Variants in TNS2 observed in about 807,000 individuals in gnomAD.
The protein encoded by TNS2 is tensin-2.
Under a neutral mutation model 155.7 loss-of-function variants are expected in TNS2, and 77 were observed. That is an observed-to-expected ratio of 0.49 (90% CI 0.41 to 0.60). TNS2 has a LOEUF of 0.60. TNS2 is among the 20% of genes least tolerant of loss of function. The pLI is 0.00. For synonymous variants in TNS2, 726 were observed against 763.9 expected, an observed-to-expected ratio of 0.95 and a Z score of 0.82; for missense variants, 1,703 against 1,868.8, an observed-to-expected ratio of 0.91 and a Z score of 1.64.
At position 53,063,157 on chromosome 12, in the gene TNS2, G is replaced by A; in HGVS notation, c.3892G>A (p.Ala1298Thr). 1.9e-6 allele frequency: 3 copies of A among 1,609,920 alleles called. No individual in the cohort carries two copies. The highest frequency in any genetic ancestry group is 1.1e-5 in the South Asian group (1 of 90,608). ...SLTGPQAVARASSAALSCSPR... is the reference protein window; with the variant it reads ...SLTGPQAVARTSSAALSCSPR... ...GACGGGCCCCCAAGCTGTGGCCCGG[G>A]CCAGCTCTGCAGCTCTGAGCTGTAG... Residue 1298 changes from alanine (A) to threonine (T), a missense_variant, in exon 26 of 29, where the codon GCC (alanine) becomes ACC (threonine). By Grantham distance (58) the Ala-to-Thr change is moderately conservative. Coordinates refer to ENST00000314250, the MANE Select transcript of TNS2 (RefSeq NM_170754.4). This position sits in a 1 kb window ranked among gnomAD's most constrained non-coding sequence, Gnocchi z 5.6.
Position 53,053,651 on chromosome 12 carries a change from C to T in TNS2, c.262-123C>T, listed in dbSNP as rs1010875554. The stretch of plus-strand genomic sequence containing the variant: ...GGCCTGCTGGGGGTAGGACTCCTCT[C>T]CCCTTATCCAGTACAGCCTTCAAAA... On this transcript the variant is annotated intron_variant, in intron 4 of 28. Coordinates refer to ENST00000314250, the MANE Select transcript of TNS2 (RefSeq NM_170754.4). The T allele has an allele frequency of 2.7e-5, 40 of 1,472,592 alleles. No individual in the cohort carries two copies. The East Asian group carries it at 7.5e-4, about 28-fold the overall frequency. 91.2% of individuals were successfully genotyped at this position (1,472,592 alleles called of 1,614,324 possible).
At chr12:53,048,865 C>G, upstream of TNS2, 2 of 282,442 alleles carry the variant, frequency 7.1e-6, no homozygotes, top group Non-Finnish European at 1.3e-5. Flanking sequence ...GTAGAAGGGA[C>G]TCCGTGGGAG....
In TNS2 at chr12:53,063,162, CTCTGCAGCTCTGA is replaced by C; in HGVS notation, c.3898_3910del (p.Ser1300AlafsTer22). 8.1e-6 allele frequency: 13 copies of C among 1,610,698 alleles called. No homozygotes were observed. The highest frequency in any genetic ancestry group is 1.0e-5 in the Non-Finnish European group (12 of 1,178,836). ...GCCCCCAAGCTGTGGCCCGGGCCAG[CTCTGCAGCTCTGA>C]GCTGTAGCCCCCGCCCGACACCAGC... On this transcript the variant is annotated frameshift_variant, in exon 26 of 29. Coordinates refer to ENST00000314250, the MANE Select transcript of TNS2 (RefSeq NM_170754.4). LOFTEE classifies it high-confidence loss of function. This position sits in a 1 kb window ranked among gnomAD's most constrained non-coding sequence, Gnocchi z 5.6.
At chr12:53,055,916 T>C in intron 10 of TNS2, 71 bp downstream of exon 10, 2 of 1,518,028 alleles carry the variant, frequency 1.3e-6, no homozygotes, top group Non-Finnish European at 1.8e-6. Context: ...TAGGAACCCA[T>C]CTCCCCTGGA....
Position 53,057,015 on chromosome 12 carries a change from C to T in TNS2, c.764C>T (p.Ala255Val), listed in dbSNP as rs776215521. Reference protein sequence around the residue: ...YMHYSKISAGADQALATLTMR... With the variant: ...YMHYSKISAGVDQALATLTMR... ...AACACTGGCCTTGCTATCCCCAGGG[C>T]GGACCAGGCACTGGCCACTCTTACC... The change falls in exon 11 of 29, where the codon GCG (alanine) becomes GTG (valine). Residue 255 changes from alanine to valine, a missense_variant and splice_region_variant. By Grantham distance (64) the Ala-to-Val change is moderately conservative. Transcript: ENST00000314250. 1.1e-5 allele frequency: 18 copies of T among 1,613,082 alleles called. No homozygotes were observed. The East Asian group carries it at 2.0e-4, about 18-fold the overall frequency.
chr12:53,060,476 G>A lies in TNS2; in HGVS notation c.2689G>A (p.Ala897Thr). 2 of 1,613,798 alleles carry A rather than the reference G, an allele frequency of 1.2e-6. No homozygotes were observed. Among genetic ancestry groups the A allele is most frequent in the Non-Finnish European group, 1.7e-6 (2 of 1,179,996 alleles). ...CACACTGCCTCGGTCTCCCCGAGAT[G>A]CCCCATGCAGTGCTTCGTCAGAGTT... The part of the protein sequence containing the change: ...HSTLPRSPRD[A>T]PCSASSELSG... Residue 897 changes from alanine to threonine, a missense_variant, in exon 19 of 29, where the codon GCC becomes ACC. By Grantham distance (58) the Ala-to-Thr change is moderately conservative. Coordinates refer to ENST00000314250, the MANE Select transcript of TNS2 (RefSeq NM_170754.4). This position sits in a 1 kb window ranked among gnomAD's most constrained non-coding sequence, Gnocchi z 6.1.
In TNS2 at chr12:53,059,221, C is replaced by A. The variant is rs761471654; in HGVS notation, c.1580C>A (p.Ser527Tyr). 3 of 1,558,202 alleles carry A rather than the reference C, an allele frequency of 1.9e-6. No individual in the cohort carries two copies. The highest frequency in any genetic ancestry group is 2.6e-6 in the Non-Finnish European group (3 of 1,161,006). ...CTGACCACAGAGCCGGCTGCTGAGT[C>A]CCCTGGCCGGCCGCCCCCTACAGCT... ...STLTTEPAAESPGRPPPTAAE... is the reference protein window; with the variant it reads ...STLTTEPAAEYPGRPPPTAAE... The change falls in exon 18 of 29, where the codon TCC becomes TAC. Residue 527 changes from serine (S) to tyrosine (Y), a missense_variant. Transcript: ENST00000314250. The surrounding 1 kb of genome is among the most constrained non-coding windows in gnomAD (Gnocchi z 4.7).
chr12:53,060,922 C>T lies in TNS2; in HGVS notation c.3016C>T (p.Pro1006Ser), dbSNP rs1592256992. The T allele has an allele frequency of 6.3e-7, 1 of 1,596,156 alleles. No homozygotes were observed. ...TGGCGCCAGTCCTCGGAGCCCTGTGCCCACCACACTTCCTGGCCTCCGCCA... is the reference window on the plus strand; with the variant it reads ...TGGCGCCAGTCCTCGGAGCCCTGTGTCCACCACACTTCCTGGCCTCCGCCA... ...SDGASPRSPV[P>S]TTLPGLRHAP... The change falls in exon 20 of 29, where the codon CCC becomes TCC. Residue 1006 changes from proline (P) to serine (S), a missense_variant. Physicochemically the swap from Pro to Ser is moderately conservative, Grantham distance 74. Coordinates refer to ENST00000314250, the MANE Select transcript of TNS2 (RefSeq NM_170754.4). The surrounding 1 kb of genome is among the most constrained non-coding windows in gnomAD (Gnocchi z 6.1).
At chr12:53,062,980 C>CTTG (rs1354274920) in intron 25 of TNS2, 109 bp from the exon 26 acceptor site, 8 of 1,391,532 alleles carry the variant, frequency 5.7e-6, no homozygotes, top group Non-Finnish European at 7.7e-6. Context: ...AACAAGTCAC[C>CTTG]TATGTGATTG....
rs749178348 is a variant in TNS2, at chr12:53,059,273, C to T, written c.1632C>T (p.Leu544=). ...CTGAACGGCAGGAGCTGGATCGCCT[C>T]CTAGGAGGCTGCGGAGTGGCCAGTG... is the stretch of plus-strand genomic sequence containing the variant. ...TAAERQELDR[L]LGGCGVASGG... is the part of the protein sequence containing the mutation. The change falls in exon 18 of 29, where the codon CTC becomes CTT. Residue 544 remains leucine, a synonymous_variant. Coordinates refer to ENST00000314250, the MANE Select transcript of TNS2 (RefSeq NM_170754.4). This position sits in a 1 kb window ranked among gnomAD's most constrained non-coding sequence, Gnocchi z 4.7. The T allele has an allele frequency of 3.8e-5, 57 of 1,498,110 alleles. No homozygotes were observed. Among genetic ancestry groups the T allele is most frequent in the Non-Finnish European group, 4.4e-5 (50 of 1,128,630 alleles). 92.8% of individuals were successfully genotyped at this position (1,498,110 alleles called of 1,614,324 possible). A position where few individuals can be genotyped will look rare whatever the true frequency, so the allele number is the denominator to read the frequency against.
At position 53,063,576 on chromosome 12, in the gene TNS2, G is replaced by T; in HGVS notation, c.4075G>T (p.Asp1359Tyr). 1 of 1,610,244 alleles carries T rather than the reference G, an allele frequency of 6.2e-7. No individual in the cohort carries two copies. ...DPQDRRWTNP[D>Y]GTTSKIFGFV... is the part of the protein sequence containing the mutation. ...CTCCTTCTGCAGATGGACCAACCCA[G>T]ACGGGACCACCTCCAAGTAAGCCTC... The change falls in exon 28 of 29, where the codon GAC becomes TAC. Residue 1359 changes from aspartate to tyrosine, a missense_variant. Physicochemically the swap from Asp to Tyr is radical, Grantham distance 160 (BLOSUM62 -3). Coordinates refer to ENST00000314250, the MANE Select transcript of TNS2 (RefSeq NM_170754.4). This position sits in a 1 kb window ranked among gnomAD's most constrained non-coding sequence, Gnocchi z 5.6.
At chr12:53,052,513 G>T in intron 3 of TNS2, 21 bp downstream of exon 3, 1 of 1,613,798 alleles carries the variant, frequency 6.2e-7, no homozygotes, top group Non-Finnish European at 8.5e-7. Context: ...GATTCTACCT[G>T]ATAGGGGGAG....
chr12:53,053,329 C>T, intron 3 of TNS2, 82 bp from the exon 4 acceptor site: 4 of 1,544,846 alleles, frequency 2.6e-6, no homozygotes, highest in Non-Finnish European at 3.6e-6. Context: ...CACCTTCCTC[C>T]TGAAGCTGAG....
intron 2 of TNS2, chr12:53,052,179 C>T (rs1943959024): frequency 5.0e-6 from 3 of 604,128 alleles, no homozygotes; most frequent in Non-Finnish European, 8.8e-6. Context: ...TCTCCATCAC[C>T]TTCCCATCCT....
intron 8 of TNS2, 104 bp downstream of exon 8, chr12:53,055,340 C>A (rs1390334738): frequency 1.2e-5 from 16 of 1,337,500 alleles, no homozygotes; most frequent in Non-Finnish European, 1.6e-5. Context: ...CTACTTCACT[C>A]TTAAGCACTT....
intron 2 of TNS2, 140 bp downstream of exon 2, chr12:53,052,103 C>T: frequency 1.4e-6 from 1 of 726,638 alleles, no homozygotes; most frequent in South Asian, 1.9e-5. Flanking sequence ...GAAGCAGCTG[C>T]CTCCCCCTTC....
chr12:53,061,736 C>T, intron 21 of TNS2, 79 bp from the exon 22 acceptor site: 1 of 1,550,208 alleles, frequency 6.5e-7, no homozygotes, highest in Non-Finnish European at 8.7e-7. Flanking sequence ...AGCTTGGCAG[C>T]AGAGGAGGGG....
rs1287636297 is a variant in TNS2, at chr12:53,050,277, G to A, written c.75+17G>A. ...GCAAGCAGGGTAGGAGTGCCCACCA[G>A]CTGGGCAAAAGAGGGGCAGGGGTGG... On this transcript the variant is annotated intron_variant, in intron 1 of 28. Transcript: ENST00000314250. This position sits in a 1 kb window ranked among gnomAD's most constrained non-coding sequence, Gnocchi z 4.7. The A allele has an allele frequency of 3.1e-6, 5 of 1,594,906 alleles. No homozygotes were observed. The highest frequency in any genetic ancestry group is 3.4e-6 in the Non-Finnish European group (4 of 1,170,890).
chr12:53,056,834 C>T (rs1028334803), intron 10 of TNS2, 179 bp from the exon 11 acceptor site: 2 of 558,808 alleles, frequency 3.6e-6, no homozygotes, highest in African/African-American at 3.8e-5. Flanking sequence ...GAACAATTGC[C>T]TGAGGCCCAA....
Sources: gnomAD v4.1 joint callset for allele counts on GRCh38, gnomAD v4.1.1 for gene constraint, Gnocchi (gnomAD v3.1) non-coding constraint, MANE v1.5 for transcripts, NCBI Gene and HGNC (gene_info 2026-07-23, HGNC 2026-07-21) for gene names.